Variants in ICOS observed in about 807,000 individuals in gnomAD.
The protein encoded by ICOS is inducible T cell costimulator.
In ICOS, 15 loss-of-function variants were observed where a neutral mutation model predicts 24.6. The ratio of observed to expected loss-of-function variants is 0.61; its 90% CI spans 0.41 to 0.94. The LOEUF is 0.94. Among genes scored for constraint, ICOS ranks in the 40% least tolerant of loss-of-function variants. ICOS has a pLI of 0.00. For synonymous variants in ICOS, 89 were observed against 77.5 expected (o/e 1.15, Z -0.78); for missense variants, 200 against 233.0 (o/e 0.86, Z 0.92).
chr2:203,947,532 C>T (rs925895691), intron 1 of ICOS, among the ~76,000 whole-genome samples: 1 of 152,144 alleles, frequency 6.6e-6, no homozygotes, highest in Admixed American at 6.5e-5. Context: ...TGGTCTCAAT[C>T]TCTTGACCTC....
intron 1 of ICOS, among the ~76,000 whole-genome samples, chr2:203,940,409 T>C (rs1269662569): frequency 6.6e-6 from 1 of 152,242 alleles, no homozygotes; most frequent in Non-Finnish European, 1.5e-5. Flanking sequence ...CATCTGCTCC[T>C]GTCTTGTGAT....
At chr2:203,941,931 G>C (rs894014361) in intron 1 of ICOS, among the ~76,000 whole-genome samples, 1 of 152,098 alleles carries the variant, frequency 6.6e-6, no homozygotes, top group African/African-American at 2.4e-5. Flanking sequence ...AGAAACTGGG[G>C]ATATGAACTT....
At chr2:203,959,459 TGTG>T (rs1321599963) in intron 4 of ICOS, 124 bp from the exon 5 acceptor site, 4 of 519,266 alleles carry the variant, frequency 7.7e-6, no homozygotes, top group Non-Finnish European at 1.4e-5. Context: ...TGTGTGAGTG[TGTG>T]TGTGTGTGTG....
intron 1 of ICOS, among the ~76,000 whole-genome samples, chr2:203,949,730 G>C (rs1371745346): frequency 2.6e-5 from 4 of 152,292 alleles, no homozygotes; most frequent in Non-Finnish European, 5.9e-5. Flanking sequence ...AGAACAAGAA[G>C]AGAGAGATTG....
intron 1 of ICOS, among the ~76,000 whole-genome samples, chr2:203,951,654 C>T (rs1305894525): frequency 6.6e-6 from 1 of 152,156 alleles, no homozygotes; most frequent in East Asian, 1.9e-4. Context: ...GAAGACAATG[C>T]GTCTATGTCT....
chr2:203,957,248 T>C (rs1481343101), intron 3 of ICOS, among the ~76,000 whole-genome samples: 4 of 152,146 alleles, frequency 2.6e-5, no homozygotes. Context: ...CAATTGTAGC[T>C]GAGAAGGAAA....
At chr2:203,959,457 T>TGTGTGTGTGA in intron 4 of ICOS, 129 bp from the exon 5 acceptor site, 1 of 164,880 alleles carries the variant, frequency 6.1e-6, no homozygotes, top group Non-Finnish European at 1.2e-5. Context: ...TGTGTGTGAG[T>TGTGTGTGTGA]GTGTGTGTGT....
chr2:203,952,337 A>G (rs182717185), intron 1 of ICOS, among the ~76,000 whole-genome samples: 8 of 152,324 alleles, frequency 5.3e-5, no homozygotes, highest in Admixed American at 3.3e-4. Context: ...TTTCTAGACA[A>G]TGTGCTCTAT....
intron 1 of ICOS, among the ~76,000 whole-genome samples, chr2:203,952,784 A>G (rs565250234): frequency 6.6e-6 from 1 of 152,296 alleles, no homozygotes; most frequent in East Asian, 1.9e-4. Flanking sequence ...CTTAAACATA[A>G]TAAGCTTAAT....
intron 1 of ICOS, among the ~76,000 whole-genome samples, chr2:203,943,496 C>G (rs959719073): frequency 2.0e-5 from 3 of 152,164 alleles, no homozygotes; most frequent in Admixed American, 6.5e-5. Flanking sequence ...GCACAGATTC[C>G]TGTGATGTGA....
chr2:203,957,226 C>T (rs1690093029), intron 3 of ICOS, among the ~76,000 whole-genome samples: 1 of 152,142 alleles, frequency 6.6e-6, no homozygotes, highest in South Asian at 2.1e-4. Flanking sequence ...GCAAGAAAGC[C>T]TTCTAAGGTG....
rs1271281099 is a variant in ICOS at position 203,959,475 on chromosome 2, T to C, written c.587-111T>C. On this transcript the variant is annotated intron_variant, in intron 4 of 4. Coordinates refer to ENST00000316386, the MANE Select transcript of ICOS (RefSeq NM_012092.4). ...GTGTGAGTGTGTGTGTGTGTGTGTG[T>C]GTGCACGTGTGTGTTTGTGTGTATG... The C allele has an allele frequency of 5.6e-5, 45 of 810,070 alleles. No individual in the cohort carries two copies. In the Middle Eastern group the frequency reaches 6.6e-4, roughly 12 times the overall value. 50.2% of individuals were successfully genotyped at this position (810,070 alleles called of 1,614,324 possible).
chr2:203,941,253 C>G (rs1689770135), intron 1 of ICOS, among the ~76,000 whole-genome samples: 2 of 151,952 alleles, frequency 1.3e-5, no homozygotes, highest in African/African-American at 2.4e-5. Context: ...GTCTCTTATT[C>G]TTATGTAAGA....
Position 203,957,980 on chromosome 2 carries a change from A to T in ICOS, c.586+97A>T, listed in dbSNP as rs571259383. On this transcript the variant is annotated intron_variant, in intron 4 of 4. Coordinates refer to ENST00000316386, the MANE Select transcript of ICOS (RefSeq NM_012092.4). Reference sequence around the variant, plus strand: ...TTTTTTAATTTTAAAGGAAAGGAAAACATCTCCAAGGCCTAATTCTAGAAT... The same window carrying T: ...TTTTTTAATTTTAAAGGAAAGGAAATCATCTCCAAGGCCTAATTCTAGAAT... 510 of 735,952 alleles carry T rather than the reference A, an allele frequency of 6.9e-4. 1 individual carries two copies. The highest frequency in any genetic ancestry group is 1.0e-3 in the Non-Finnish European group (436 of 422,188). 45.6% of individuals were successfully genotyped at this position (735,952 alleles called of 1,614,324 possible).
chr2:203,947,906 A>G (rs1689902080), intron 1 of ICOS, among the ~76,000 whole-genome samples: 1 of 152,154 alleles, frequency 6.6e-6, no homozygotes, highest in South Asian at 2.1e-4. Context: ...AACCACTAAC[A>G]TGCTGTGTTT....
chr2:203,953,320 C>T (rs1436683354), intron 1 of ICOS, among the ~76,000 whole-genome samples: 1 of 152,164 alleles, frequency 6.6e-6, no homozygotes, highest in Non-Finnish European at 1.5e-5. Flanking sequence ...TTCTGGTTCT[C>T]TCTTCAAATT....
At chr2:203,949,954 G>A (rs967349043) in intron 1 of ICOS, among the ~76,000 whole-genome samples, 2 of 152,198 alleles carry the variant, frequency 1.3e-5, no homozygotes, top group Admixed American at 6.5e-5. Context: ...AGAAACTAAC[G>A]TATTCAGATC....
intron 4 of ICOS, 125 bp from the exon 5 acceptor site, chr2:203,959,461 T>C: frequency 1.4e-6 from 1 of 736,946 alleles, no homozygotes; most frequent in South Asian, 1.5e-5. Context: ...TGTGAGTGTG[T>C]GTGTGTGTGT....
rs2105755531 is a variant in ICOS at position 203,957,811 on chromosome 2, A to G, written c.514A>G (p.Ser172Gly). 8.7e-6 allele frequency: 14 copies of G among 1,612,398 alleles called. No individual in the cohort carries two copies. Among genetic ancestry groups the G allele is most frequent in the Non-Finnish European group, 1.0e-5 (12 of 1,178,508 alleles). The change falls in exon 4 of 5, where the codon AGT (serine) becomes GGT (glycine). Residue 172 changes from serine (S) to glycine (G), a missense_variant. Ser to Gly is a moderately conservative substitution (Grantham distance 56, BLOSUM62 0). Coordinates refer to ENST00000316386, the MANE Select transcript of ICOS (RefSeq NM_012092.4). The part of the protein sequence containing the change: ...CWLTKKKYSS[S>G]VHDPNGEYMF... ...CTTTTTCTTTCAGAAGTATTCATCC[A>G]GTGTGCACGACCCTAACGGTGAATA...
Sources: allele counts gnomAD v4.1 joint callset (sites outside exome capture counted in the v4.1 genomes callset), GRCh38; gene constraint gnomAD v4.1.1; transcripts MANE v1.5; gene names NCBI Gene and HGNC (gene_info 2026-07-23, HGNC 2026-07-21).